The following FBXL18 variants were observed in gnomAD, a reference collection of about 807,000 sequenced individuals.
FBXL18 encodes the protein F-box/LRR-repeat protein 18.
Under a neutral mutation model 46.0 loss-of-function variants are expected in FBXL18, and 36 were observed. The observed-to-expected ratio is 0.78, with a 90% CI of 0.60 to 1.03. The LOEUF (loss-of-function observed/expected upper bound fraction) is 1.03, where lower values mean the gene tolerates loss of function less well. Among genes scored for constraint, FBXL18 ranks in the 50% least tolerant of loss-of-function variants. The pLI, the probability that FBXL18 is intolerant of heterozygous loss-of-function variation, is 0.00. For synonymous variants in FBXL18, 557 were observed against 465.3 expected, an observed-to-expected ratio of 1.20 and a Z score of -2.54; for missense variants, 977 against 1,004.1, an observed-to-expected ratio of 0.97 and a Z score of 0.36.
chr7:5,473,760 CA>C (rs1195674210), downstream of FBXL18, among the ~76,000 whole-genome samples: 1,137 of 58,144 alleles, frequency 0.02, 2 homozygotes, highest in Middle Eastern at 0.073. Flanking sequence ...GACTCCATCT[CA>C]AAAAAAAAAA....
intron 4 of FBXL18, among the ~76,000 whole-genome samples, chr7:5,463,718 T>A (rs56270095): frequency 0.34 from 22,320 of 64,778 alleles, 3,107 homozygotes; most frequent in Middle Eastern, 0.39. Flanking sequence ...ATTTATTTAT[T>A]TATTTATTTA....
In FBXL18 at chr7:5,459,101, C is replaced by T. The variant is rs147946444; in HGVS notation, c.2001-11258G>A. On this transcript the variant is annotated intron_variant and NMD_transcript_variant, in intron 4 of 6. Coordinates refer to the FBXL18 transcript ENST00000415009. ...CCAGGAAGTCGAGGCTGCAGTGAGACATGATCATGCCATTGCACTCCAGTC... is the reference window on the plus strand; with the variant it reads ...CCAGGAAGTCGAGGCTGCAGTGAGATATGATCATGCCATTGCACTCCAGTC... 8.3e-3 allele frequency among the ~76,000 whole-genome samples: 1,260 copies of T among 152,250 alleles called. 14 individuals are homozygous for T. The highest frequency in any genetic ancestry group is 0.029 in the African/African-American group (1,217 of 41,544).
At chr7:5,505,769 C>G (rs2128238427) in intron 1 of FBXL18, 139 bp from the exon 2 acceptor site, 1 of 665,314 alleles carries the variant, frequency 1.5e-6, no homozygotes, top group Non-Finnish European at 2.5e-6. Context: ...AACTGAATGA[C>G]AAAGAATTCA....
intron 3 of FBXL18, among the ~76,000 whole-genome samples, chr7:5,492,504 C>T (rs1351260603): frequency 6.6e-6 from 1 of 151,740 alleles, no homozygotes; most frequent in East Asian, 1.9e-4. Context: ...CGGGCTGAGG[C>T]GAATGGGGAG....
chr7:5,502,313 T>A (rs185033952), intron 2 of FBXL18, among the ~76,000 whole-genome samples: 37 of 152,228 alleles, frequency 2.4e-4, no homozygotes, highest in African/African-American at 8.4e-4. Flanking sequence ...GGCAGATGGA[T>A]CACCTGAGGT....
Position 5,462,950 on chromosome 7 carries a change from C to CAAAAAAA in FBXL18, c.2001-15114_2001-15108dup, listed in dbSNP as rs138208570. Among the ~76,000 whole-genome samples the CAAAAAAA allele has an allele frequency of 1.1e-3, 25 of 22,376 alleles. 2 individuals are homozygous for CAAAAAAA. Among genetic ancestry groups the CAAAAAAA allele is most frequent in the Admixed American group, 1.8e-3 (3 of 1,676 alleles). 14.7% of individuals were successfully genotyped at this position (22,376 alleles called of 152,430 possible). A position where few individuals can be genotyped will look rare whatever the true frequency, so the allele number is the denominator to read the frequency against. On this transcript the variant is annotated intron_variant and NMD_transcript_variant, in intron 4 of 6. Coordinates refer to the FBXL18 transcript ENST00000415009. ...TGGGCGACAGAGTGAGACTTGGTCT[C>CAAAAAAA]AAAAAAAAAAAAAAAAAAAATATAT... is the stretch of plus-strand genomic sequence containing the variant.
At chr7:5,489,792 A>C (rs1783869346) in intron 4 of FBXL18, 1 of 304,398 alleles carries the variant, frequency 3.3e-6, no homozygotes, top group Admixed American at 4.5e-5. Context: ...AAAGAAAAAA[A>C]GAAAAATACA....
At chr7:5,465,913 G>T (rs1455491757) in intron 4 of FBXL18, among the ~76,000 whole-genome samples, 2 of 151,998 alleles carry the variant, frequency 1.3e-5, no homozygotes, top group Admixed American at 6.6e-5. Context: ...TGCCTCCCAG[G>T]TTCAAGCGAT....
In FBXL18 at chr7:5,495,365, GC is replaced by G. The variant is rs1784049500; in HGVS notation, c.1782-3917del. Among the ~76,000 whole-genome samples, 3 of 152,316 alleles carry G rather than the reference GC, an allele frequency of 2.0e-5. No homozygotes were observed. The East Asian group carries it at 5.8e-4, about 29-fold the overall frequency. On this transcript the variant is annotated intron_variant, in intron 3 of 4. Coordinates refer to ENST00000382368, the MANE Select transcript of FBXL18 (RefSeq NM_024963.6). ...GATGGCCCGCTTCTGCCCAGACGCT[GC>G]CCTGGTCACGCTCACAGCAGCCCGG... is the stretch of plus-strand genomic sequence containing the variant.
rs759510591 is a variant in FBXL18 at position 5,500,975 on chromosome 7, C to T, written c.1294G>A (p.Ala432Thr). ...VCSVADSAPR[A>T]DRAPAQPAMH... is the part of the protein sequence containing the mutation. ...GCCGGCTGGGCGGGCGCGCGGTCGG[C>T]GCGCGGCGCGGAGTCAGCGACAGAG... Residue 432 changes from alanine (A) to threonine (T), a missense_variant, in exon 3 of 5, where the codon GCC (alanine) becomes ACC (threonine). Transcript: ENST00000382368. 1.9e-6 allele frequency: 3 copies of T among 1,541,200 alleles called. No individual in the cohort carries two copies. Among genetic ancestry groups the T allele is most frequent in the Admixed American group, 2.1e-5 (1 of 47,088 alleles).
At chr7:5,513,327 G>A (rs1472519322) in intron 1 of FBXL18, among the ~76,000 whole-genome samples, 1 of 152,088 alleles carries the variant, frequency 6.6e-6, no homozygotes, top group Non-Finnish European at 1.5e-5. Context: ...CAGGGCTGCA[G>A]GGGCCCAGCC....
chr7:5,471,930 C>A (rs1041320045), downstream of FBXL18, among the ~76,000 whole-genome samples: 1 of 152,084 alleles, frequency 6.6e-6, no homozygotes, highest in Non-Finnish European at 1.5e-5. Flanking sequence ...CTGGGCAACA[C>A]AGTAAGACCC....
At chr7:5,459,739 CA>C (rs747295023) in intron 4 of FBXL18, among the ~76,000 whole-genome samples, 1,048 of 92,362 alleles carry the variant, frequency 0.011, 4 homozygotes, top group Middle Eastern at 0.024. Context: ...GACTCCATCT[CA>C]AAAAAAAAAA....
At chr7:5,462,995 T>TATATATATATATAA (rs1309862413) in intron 4 of FBXL18, among the ~76,000 whole-genome samples, 53 of 31,732 alleles carry the variant, frequency 1.7e-3, no homozygotes, top group African/African-American at 4.6e-3. Context: ...TATATATATA[T>TATATATATATATAA]AATATATATA....
intron 2 of FBXL18, among the ~76,000 whole-genome samples, chr7:5,503,024 A>C (rs985658154): frequency 6.6e-6 from 1 of 152,196 alleles, no homozygotes; most frequent in Non-Finnish European, 1.5e-5. Context: ...CCCAGTGTCC[A>C]TCAACAGGTG....
At chr7:5,456,637 T>TG (rs774603940) in intron 4 of FBXL18, among the ~76,000 whole-genome samples, 75 of 81,566 alleles carry the variant, frequency 9.2e-4, no homozygotes, top group Non-Finnish European at 2.1e-3. Context: ...ACTTAAGGTA[T>TG]GGAAAAAAAA....
At chr7:5,461,766 C>T (rs914873019) in intron 4 of FBXL18, among the ~76,000 whole-genome samples, 2 of 151,978 alleles carry the variant, frequency 1.3e-5, no homozygotes, top group African/African-American at 4.8e-5. Flanking sequence ...TATGGTGAAA[C>T]CCTGTCTCTA....
At chr7:5,482,009 G>T in intron 4 of FBXL18, 78 bp from the exon 5 acceptor site, 1 of 1,505,568 alleles carries the variant, frequency 6.6e-7, no homozygotes, top group Non-Finnish European at 8.9e-7. Context: ...AGCCCAGGAG[G>T]CACTCACACC....
At chr7:5,469,338 G>A (rs529402640) in intron 4 of FBXL18, among the ~76,000 whole-genome samples, 10 of 152,324 alleles carry the variant, frequency 6.6e-5, no homozygotes, top group South Asian at 2.1e-4. Flanking sequence ...CTTGAACTCC[G>A]GAGGTGGAGG....
Sources: allele counts gnomAD v4.1 joint callset (sites outside exome capture counted in the v4.1 genomes callset), GRCh38; gene constraint gnomAD v4.1.1; transcripts MANE v1.5; gene names NCBI Gene and HGNC (gene_info 2026-07-23, HGNC 2026-07-21).